The following ST6GAL1 variants were observed in gnomAD, a reference collection of about 807,000 sequenced individuals.
The protein encoded by ST6GAL1 is beta-galactoside alpha-2,6-sialyltransferase 1.
In ST6GAL1, 20 loss-of-function variants were observed where a neutral mutation model predicts 38.0. The ratio of observed to expected loss-of-function variants is 0.53; its 90% CI spans 0.37 to 0.77. The LOEUF is 0.77. Ranked by LOEUF, ST6GAL1 falls within the 30% of genes least tolerant of loss-of-function variation. ST6GAL1 has a pLI of 0.00. For synonymous variants in ST6GAL1, 196 were observed against 188.2 expected, an observed-to-expected ratio of 1.04 and a Z score of -0.34; for missense variants, 432 against 496.4, an observed-to-expected ratio of 0.87 and a Z score of 1.23.
intron 4 of ST6GAL1, among the ~76,000 whole-genome samples, chr3:187,044,331 G>A (rs1197437262): frequency 6.6e-6 from 1 of 152,192 alleles, no homozygotes; most frequent in Non-Finnish European, 1.5e-5. Flanking sequence ...AGCAGGTGAG[G>A]TCATACGTCT....
chr3:186,982,649 A>T (rs1391048234), intron 2 of ST6GAL1, among the ~76,000 whole-genome samples: 1 of 152,050 alleles, frequency 6.6e-6, no homozygotes, highest in Non-Finnish European at 1.5e-5. Flanking sequence ...ATGGCATCAC[A>T]TCGTAAATTG....
chr3:186,943,510 T>C (rs1714252245), intron 1 of ST6GAL1, among the ~76,000 whole-genome samples: 1 of 152,172 alleles, frequency 6.6e-6, no homozygotes. Context: ...AGTGCAGTGG[T>C]GCGATCTCGG....
intron 4 of ST6GAL1, among the ~76,000 whole-genome samples, chr3:187,049,465 T>TC (rs1718436239): frequency 1.3e-5 from 2 of 152,152 alleles, no homozygotes; most frequent in Non-Finnish European, 2.9e-5. Context: ...CAGAACCAGG[T>TC]TGGGATATTG....
At chr3:187,023,109 A>T (rs561210986) in intron 2 of ST6GAL1, among the ~76,000 whole-genome samples, 3 of 152,304 alleles carry the variant, frequency 2.0e-5, no homozygotes, top group African/African-American at 7.2e-5. Context: ...TGGGGTGCCC[A>T]TGGCCAAAAA....
intron 2 of ST6GAL1, among the ~76,000 whole-genome samples, chr3:187,032,301 CAA>C (rs1252262801): frequency 1.3e-5 from 2 of 152,062 alleles, no homozygotes; most frequent in African/African-American, 2.4e-5. Flanking sequence ...CTGTATCAAA[CAA>C]AAAGTTTCAT....
At chr3:186,955,320 T>G (rs1285885326) in intron 1 of ST6GAL1, among the ~76,000 whole-genome samples, 1 of 152,222 alleles carries the variant, frequency 6.6e-6, no homozygotes, top group African/African-American at 2.4e-5. Flanking sequence ...ATGGACTCTT[T>G]TTTGGTTCCA....
rs1560142114 is a variant in ST6GAL1 at position 186,958,972 on chromosome 3, A to AT, written c.-324-4812dup. ...CATCTCAAAAAAAAAAAAAAATTAA[A>AT]TAAATAAATAAATAAATAAATAAAA... On this transcript the variant is annotated intron_variant, in intron 1 of 7. Transcript: ENST00000169298. Among the ~76,000 whole-genome samples, 610 of 109,006 alleles carry AT rather than the reference A, an allele frequency of 5.6e-3. 3 individuals carry two copies. The highest frequency in any genetic ancestry group is 0.023 in the African/African-American group (578 of 25,574). 71.5% of individuals were successfully genotyped at this position (109,006 alleles called of 152,430 possible). A position where few individuals can be genotyped will look rare whatever the true frequency, so the allele number is the denominator to read the frequency against.
Position 187,075,443 on chromosome 3 carries a change from G to C in ST6GAL1, c.980-119G>C. On this transcript the variant is annotated intron_variant, in intron 7 of 7. Coordinates refer to ENST00000169298, the MANE Select transcript of ST6GAL1 (RefSeq NM_173216.2). The surrounding 1 kb of genome is among the most constrained non-coding windows in gnomAD (Gnocchi z 4.1). ...AGATTGGGAATCACAGTCATAAATA[G>C]AAACTCCAGAGGGAAAGCTCTCCAA... The C allele has an allele frequency of 6.9e-7, 1 of 1,447,648 alleles. No individual in the cohort carries two copies. The highest frequency in any genetic ancestry group is 9.3e-7 in the Non-Finnish European group (1 of 1,072,300). The allele number at this position is 1,447,648 out of a possible 1,614,324, so 89.7% of individuals were successfully genotyped here. A position where few individuals can be genotyped will look rare whatever the true frequency, so the allele number is the denominator to read the frequency against.
chr3:186,968,738 C>T (rs1250933795), intron 2 of ST6GAL1, among the ~76,000 whole-genome samples: 1 of 152,100 alleles, frequency 6.6e-6, no homozygotes, highest in Non-Finnish European at 1.5e-5. Flanking sequence ...TATCCATTTA[C>T]TTGTTGACAC....
intron 2 of ST6GAL1, among the ~76,000 whole-genome samples, chr3:186,981,459 G>A (rs577691038): frequency 1.3e-5 from 2 of 152,288 alleles, no homozygotes; most frequent in Non-Finnish European, 2.9e-5. Flanking sequence ...GTAGAAGACA[G>A]CAGATATTTG....
intron 2 of ST6GAL1, among the ~76,000 whole-genome samples, chr3:187,037,117 T>C (rs1417158690): frequency 2.0e-5 from 3 of 152,208 alleles, no homozygotes; most frequent in Non-Finnish European, 4.4e-5. Flanking sequence ...TGGTCCATGG[T>C]CAGAAGCTCT....
intron 2 of ST6GAL1, among the ~76,000 whole-genome samples, chr3:186,989,566 G>T (rs1716080026): frequency 6.6e-6 from 1 of 152,168 alleles, no homozygotes; most frequent in Non-Finnish European, 1.5e-5. Context: ...AGACCTCACA[G>T]AGCATGAAGC....
At chr3:186,980,593 A>G (rs1334200879) in intron 2 of ST6GAL1, among the ~76,000 whole-genome samples, 5 of 128,802 alleles carry the variant, frequency 3.9e-5, no homozygotes, top group Admixed American at 7.9e-5. Context: ...CCCATTCTCT[A>G]CTAAAATTAC....
chr3:187,069,055 A>C (rs570891597), intron 5 of ST6GAL1, among the ~76,000 whole-genome samples: 1 of 152,266 alleles, frequency 6.6e-6, no homozygotes, highest in South Asian at 2.1e-4. Context: ...TAAAAGTTAC[A>C]AGATGTGGGT....
rs759932778 is a variant in ST6GAL1 at position 187,077,882 on chromosome 3, A to G, written c.*2079A>G. 1.3e-5 allele frequency: 2 copies of G among 152,666 alleles called. No homozygotes were observed. The highest frequency in any genetic ancestry group is 2.9e-5 in the Non-Finnish European group (2 of 68,110). 9.5% of individuals were successfully genotyped at this position (152,666 alleles called of 1,614,324 possible). On this transcript the variant is annotated 3_prime_UTR_variant, in exon 8 of 8. Transcript: ENST00000169298. Reference sequence around the variant, plus strand: ...CCTTGGAACACCCAAGAAACCATGCAAAGCAGTGGACAACACAGAACACGC... The same window carrying G: ...CCTTGGAACACCCAAGAAACCATGCGAAGCAGTGGACAACACAGAACACGC...
chr3:186,967,862 G>C (rs1202647816), intron 2 of ST6GAL1, among the ~76,000 whole-genome samples: 1 of 152,230 alleles, frequency 6.6e-6, no homozygotes, highest in Non-Finnish European at 1.5e-5. Flanking sequence ...CAAAACCACC[G>C]TGGCAGTAGA....
chr3:186,976,722 G>T lies in ST6GAL1; in HGVS notation c.-183+12796G>T, dbSNP rs181703468. Among the ~76,000 whole-genome samples the T allele has an allele frequency of 8.6e-4, 131 of 152,326 alleles. 1 individual carries two copies. Among genetic ancestry groups the T allele is most frequent in the Admixed American group, 8.6e-3 (131 of 15,306 alleles). On this transcript the variant is annotated intron_variant, in intron 2 of 7. Transcript: ENST00000169298. ...TGAGATTACAGGCATGAGCCACTGT[G>T]CCCGGCCTTAATTCTTATAAGACCC...
chr3:187,044,423 C>T (rs569021497), intron 4 of ST6GAL1, among the ~76,000 whole-genome samples: 14 of 152,302 alleles, frequency 9.2e-5, no homozygotes, highest in African/African-American at 3.4e-4. Context: ...TAGGCCCAAA[C>T]TGGATTCTCT....
At chr3:187,047,848 G>C (rs1292001321) in intron 4 of ST6GAL1, among the ~76,000 whole-genome samples, 1 of 151,854 alleles carries the variant, frequency 6.6e-6, no homozygotes, top group African/African-American at 2.4e-5. Flanking sequence ...GTGATATTTT[G>C]GTACATGCAT....
Sources: allele counts gnomAD v4.1 joint callset (sites outside exome capture counted in the v4.1 genomes callset), GRCh38; gene constraint gnomAD v4.1.1; non-coding constraint Gnocchi (gnomAD v3.1); transcripts MANE v1.5; gene names NCBI Gene and HGNC (gene_info 2026-07-23, HGNC 2026-07-21).